STK32B: variants seen among roughly 807,000 people sequenced by gnomAD.
The protein encoded by STK32B is serine/threonine-protein kinase 32B.
STK32B carries 43 observed loss-of-function variants against 52.6 expected under a neutral mutation model. That is an observed-to-expected ratio of 0.82 (90% confidence interval 0.64 to 1.05). STK32B has a LOEUF of 1.05. STK32B is among the 50% of genes least tolerant of loss of function. The pLI is 0.00. For synonymous variants in STK32B, 238 were observed against 204.3 expected (o/e 1.17, Z -1.41); for missense variants, 621 against 534.6 (o/e 1.16, Z -1.59).
intron 8 of STK32B, among the ~76,000 whole-genome samples, chr4:5,458,101 G>A (rs770470966): frequency 6.6e-6 from 1 of 152,288 alleles, no homozygotes; most frequent in East Asian, 1.9e-4. Flanking sequence ...TGTTAGAAAC[G>A]CACATCCTCA....
chr4:5,182,299 C>G (rs1720424187), intron 3 of STK32B, among the ~76,000 whole-genome samples: 1 of 152,118 alleles, frequency 6.6e-6, no homozygotes, highest in Non-Finnish European at 1.5e-5. Flanking sequence ...CTTCTAAACT[C>G]CTGTTAATGG....
chr4:5,163,170 G>A (rs1428011622), intron 2 of STK32B, among the ~76,000 whole-genome samples: 1 of 152,180 alleles, frequency 6.6e-6, no homozygotes, highest in South Asian at 2.1e-4. Context: ...TTGCAGGGAA[G>A]GTATTCCAGG....
intron 3 of STK32B, among the ~76,000 whole-genome samples, chr4:5,243,353 G>A (rs1402983590): frequency 2.6e-5 from 4 of 152,144 alleles, no homozygotes; most frequent in Non-Finnish European, 2.9e-5. Flanking sequence ...GTGAATGGGA[G>A]TTCACTCATG....
intron 3 of STK32B, among the ~76,000 whole-genome samples, chr4:5,237,236 A>G (rs1724697816): frequency 6.6e-6 from 1 of 152,186 alleles, no homozygotes; most frequent in Admixed American, 6.5e-5. Flanking sequence ...GGAGGGAGGC[A>G]CCATCTGATT....
chr4:5,175,422 A>T (rs1321178011), intron 3 of STK32B, among the ~76,000 whole-genome samples: 4 of 151,834 alleles, frequency 2.6e-5, no homozygotes, highest in African/African-American at 9.7e-5. Context: ...TTTTTTCCTC[A>T]TCTTTTTGGT....
chr4:5,256,323 A>G (rs1726294182), intron 3 of STK32B, among the ~76,000 whole-genome samples: 1 of 152,224 alleles, frequency 6.6e-6, no homozygotes, highest in Admixed American at 6.5e-5. Flanking sequence ...ATCATAGACT[A>G]AAAACTATCA....
At chr4:5,384,292 C>T (rs1038092167) in intron 4 of STK32B, among the ~76,000 whole-genome samples, 1 of 152,102 alleles carries the variant, frequency 6.6e-6, no homozygotes, top group Non-Finnish European at 1.5e-5. Context: ...AGGGAAGATG[C>T]AGGAACTCTG....
chr4:5,473,857 G>A (rs934720966), intron 11 of STK32B, among the ~76,000 whole-genome samples: 35 of 152,306 alleles, frequency 2.3e-4, no homozygotes, highest in Admixed American at 1.7e-3. Flanking sequence ...GTTCACACCT[G>A]TAATCCCAGC....
At position 5,163,402 on chromosome 4, in the gene STK32B, C is replaced by T. The variant is rs182132950; in HGVS notation, c.109-4897C>T. Reference sequence around the variant, plus strand: ...GTGGGAAGGGCACCGCATACAGCTTCAAGGATTAAAGGGAAGTTTCTGAAA... The same window carrying T: ...GTGGGAAGGGCACCGCATACAGCTTTAAGGATTAAAGGGAAGTTTCTGAAA... On this transcript the variant is annotated intron_variant, in intron 2 of 11. Coordinates refer to ENST00000282908, the MANE Select transcript of STK32B (RefSeq NM_018401.3). Among the ~76,000 whole-genome samples, 90 of 152,170 alleles carry T rather than the reference C, an allele frequency of 5.9e-4. 2 individuals are homozygous for T. Among genetic ancestry groups the T allele is most frequent in the East Asian group, 3.9e-4 (2 of 5,184 alleles).
chr4:5,495,579 CAA>C (rs1720160586), intron 11 of STK32B, among the ~76,000 whole-genome samples: 2 of 152,364 alleles, frequency 1.3e-5, no homozygotes, highest in South Asian at 2.1e-4. Context: ...CTCAACTCGT[CAA>C]AGTCATTCTC....
chr4:5,144,822 ATCC>A (rs1560175592), intron 2 of STK32B, among the ~76,000 whole-genome samples: 2,549 of 151,688 alleles, frequency 0.017, 67 homozygotes, highest in African/African-American at 0.058. Context: ...CCATCCATCC[ATCC>A]ATCCATCCAA....
intron 2 of STK32B, among the ~76,000 whole-genome samples, chr4:5,144,013 T>C (rs1327703270): frequency 6.6e-5 from 10 of 152,156 alleles, no homozygotes; most frequent in Admixed American, 6.5e-4. Flanking sequence ...GCCTCTACTT[T>C]AGAGTGGTTG....
rs150383733 is a variant in STK32B, at chr4:5,195,389, C to G, written c.260+26939C>G. On this transcript the variant is annotated intron_variant, in intron 3 of 11. Transcript: ENST00000282908. ...CCTGCTGCTCCTGGGCACTTTTCAACCAGTAAAAGAATATTAGAATGGGCC... is the reference window on the plus strand; with the variant it reads ...CCTGCTGCTCCTGGGCACTTTTCAAGCAGTAAAAGAATATTAGAATGGGCC... 4.5e-3 allele frequency among the ~76,000 whole-genome samples: 682 copies of G among 152,268 alleles called. 6 individuals carry two copies. The highest frequency in any genetic ancestry group is 0.024 in the Middle Eastern group (7 of 294).
intron 2 of STK32B, chr4:5,140,427 C>A: frequency 1.5e-6 from 1 of 645,198 alleles, no homozygotes; most frequent in Non-Finnish European, 2.1e-6. Context: ...AGTCTGTTCC[C>A]ACATACTCAG....
At chr4:5,021,483 A>G in the STK32B span, among the ~76,000 whole-genome samples, 5 of 152,176 alleles carry the variant, frequency 3.3e-5, no homozygotes, top group African/African-American at 1.2e-4. Context: ...CTGGCAGAAT[A>G]GCTGGCCCCA....
intron 6 of STK32B, among the ~76,000 whole-genome samples, chr4:5,425,978 A>G (rs536179439): frequency 5.1e-4 from 77 of 152,316 alleles, no homozygotes; most frequent in South Asian, 3.7e-3. Context: ...CTGGATATAC[A>G]TACACGTGTT....
chr4:5,294,952 T>A (rs1170808279), intron 3 of STK32B, among the ~76,000 whole-genome samples: 1 of 152,180 alleles, frequency 6.6e-6, no homozygotes. Flanking sequence ...GTTCCATCAA[T>A]GCCTAGTTTA....
chr4:5,341,029 A>T (rs978032926), intron 4 of STK32B, among the ~76,000 whole-genome samples: 56 of 152,328 alleles, frequency 3.7e-4, no homozygotes, highest in Non-Finnish European at 5.1e-4. Flanking sequence ...CAAATCCCAG[A>T]TCTCATGCTG....
intron 3 of STK32B, among the ~76,000 whole-genome samples, chr4:5,305,982 G>A (rs1729901775): frequency 6.6e-6 from 1 of 152,104 alleles, no homozygotes; most frequent in South Asian, 2.1e-4. Flanking sequence ...TTCAGGAGCA[G>A]GTTATTTAAT....
Sources: gnomAD v4.1 joint callset for allele counts (sites outside exome capture counted in the v4.1 genomes callset) on GRCh38, gnomAD v4.1.1 for gene constraint, MANE v1.5 for transcripts, NCBI Gene and HGNC (gene_info 2026-07-23, HGNC 2026-07-21) for gene names.